Variants in PDZD4 observed in about 807,000 individuals in gnomAD.
PDZD4 encodes the protein PDZ domain-containing protein 4.
Under a neutral mutation model 38.5 loss-of-function variants are expected in PDZD4, and 9 were observed. That is an observed-to-expected ratio of 0.23 (90% CI 0.14 to 0.41). The LOEUF (loss-of-function observed/expected upper bound fraction) is 0.41. PDZD4 is among the 10% of genes least tolerant of loss of function. The probability of loss-of-function intolerance (pLI) is 1.00; values close to 1 mark genes in which losing one functional copy is unlikely to be tolerated. For synonymous variants in PDZD4, 349 were observed against 315.7 expected (o/e 1.11, Z -1.12); for missense variants, 612 against 722.0 (o/e 0.85, Z 1.75).
chrX:153,805,965 G>A (rs781859632), intron 5 of PDZD4, 106 bp downstream of exon 5: 2 of 886,367 alleles, frequency 2.3e-6, no homozygotes, highest in East Asian at 3.2e-5. Flanking sequence ...CTGGGCCTCA[G>A]GGTTAGCTCT....
intron 1 of PDZD4, among the ~76,000 whole-genome samples, chrX:153,820,982 G>A (rs2064417531): frequency 8.9e-6 from 1 of 112,532 alleles, no homozygotes; most frequent in Admixed American, 9.4e-5. Flanking sequence ...TACATCTAAT[G>A]GTTTTGGCAT....
intron 1 of PDZD4, among the ~76,000 whole-genome samples, chrX:153,823,635 A>G (rs1261649394): frequency 8.9e-6 from 1 of 112,467 alleles, no homozygotes; most frequent in African/African-American, 3.2e-5. Context: ...TACAGGCGTG[A>G]GCCACCGCAC....
intron 1 of PDZD4, among the ~76,000 whole-genome samples, chrX:153,825,814 G>A (rs2064475130): frequency 2.7e-5 from 3 of 112,410 alleles, no homozygotes; most frequent in Non-Finnish European, 3.8e-5. Context: ...CCTAGTGAAA[G>A]ACTGGAAGCT....
At chrX:153,819,044 A>G (rs1468716760) in intron 1 of PDZD4, among the ~76,000 whole-genome samples, 4 of 112,635 alleles carry the variant, frequency 3.6e-5, no homozygotes, top group African/African-American at 1.3e-4. Context: ...CTAGGCGGAG[A>G]GGGCGGAGCC....
intron 6 of PDZD4, 107 bp downstream of exon 6, chrX:153,805,398 C>CAAAAAA: frequency 1.8e-6 from 1 of 553,485 alleles, no homozygotes; most frequent in Non-Finnish European, 3.0e-6. Context: ...ACCCGCCCTC[C>CAAAAAA]ATCAACTCCA....
chrX:153,803,612 T>G lies in PDZD4; in HGVS notation c.2069A>C (p.His690Pro). The change falls in exon 8 of 8, where the codon CAC becomes CCC. Residue 690 changes from histidine (H) to proline (P), a missense_variant. By Grantham distance (77) the His-to-Pro change is moderately conservative. Coordinates refer to ENST00000393758, the MANE Select transcript of PDZD4 (RefSeq NM_001303512.2). Reference sequence around the variant, plus strand: ...CCGCTGCTCACGGGCCCGGATCAGGTGCTGCTTCCGCTCCTCCTTGCTCCA... The same window carrying G: ...CCGCTGCTCACGGGCCCGGATCAGGGGCTGCTTCCGCTCCTCCTTGCTCCA... Reference protein sequence around the residue: ...RYWSKEERKQHLIRAREQRKR... With the variant: ...RYWSKEERKQPLIRAREQRKR... 1 of 1,210,289 alleles carries G rather than the reference T, an allele frequency of 8.3e-7. No individual in the cohort carries two copies. The highest frequency in any genetic ancestry group is 1.1e-6 in the Non-Finnish European group (1 of 895,551).
intron 1 of PDZD4, among the ~76,000 whole-genome samples, chrX:153,821,473 A>AAAAC (rs1201845126): frequency 9.1e-6 from 1 of 109,733 alleles, no homozygotes; most frequent in Non-Finnish European, 1.9e-5. Context: ...AAAAAAAAAC[A>AAAAC]AAACAAACAA....
Position 153,830,341 on chromosome X carries a change from A to G in PDZD4, c.-43T>C, listed in dbSNP as rs1557083544. The G allele has an allele frequency of 2.6e-6, 3 of 1,145,842 alleles. No homozygotes were observed. In the Admixed American group the frequency reaches 6.7e-5, roughly 26 times the overall value. The allele number at this position is 1,145,842 out of a possible 1,213,427, so 94.4% of individuals were successfully genotyped here. Reference sequence around the variant, plus strand: ...GGAGGCGGAGGGCGGGAACGGGAAGACGCCTTTCACTGACCCGGGCGCGGG... The same window carrying G: ...GGAGGCGGAGGGCGGGAACGGGAAGGCGCCTTTCACTGACCCGGGCGCGGG... On this transcript the variant is annotated 5_prime_UTR_variant, in exon 1 of 8. Coordinates refer to ENST00000393758, the MANE Select transcript of PDZD4 (RefSeq NM_001303512.2).
In PDZD4 at chrX:153,810,403, A is replaced by C. The variant is rs1056890077; in HGVS notation, c.61-1808T>G. ...TCAGGCAAAGGGAACAGGGCCAAGAAAAGACCCAGGGAGGCTGGTTTGCAG... is the reference window on the plus strand; with the variant it reads ...TCAGGCAAAGGGAACAGGGCCAAGACAAGACCCAGGGAGGCTGGTTTGCAG... On this transcript the variant is annotated intron_variant, in intron 1 of 7. Transcript: ENST00000393758. 6.2e-5 allele frequency among the ~76,000 whole-genome samples: 7 copies of C among 112,432 alleles called. No homozygotes were observed. The Admixed American group carries it at 6.5e-4, about 11-fold the overall frequency.
intron 1 of PDZD4, among the ~76,000 whole-genome samples, chrX:153,826,382 G>A (rs1262826432): frequency 9.0e-6 from 1 of 110,854 alleles, no homozygotes. Context: ...ATTTTAGTAA[G>A]GTCGCAAGAT....
Position 153,803,071 on chromosome X carries a change from T to C in PDZD4, c.*282A>G, listed in dbSNP as rs1284003114. On this transcript the variant is annotated 3_prime_UTR_variant, in exon 8 of 8. Transcript: ENST00000393758. ...ACGCAAGAGCATGGGGGATGGGGAA[T>C]GCACACGCACAGCTGAAGGGGTGCC... 1 of 246,895 alleles carries C rather than the reference T, an allele frequency of 4.1e-6. No homozygotes were observed. The highest frequency in any genetic ancestry group is 2.8e-5 in the African/African-American group (1 of 35,386). 20.3% of individuals were successfully genotyped at this position (246,895 alleles called of 1,213,427 possible).
At chrX:153,827,007 T>C (rs782512498) in intron 1 of PDZD4, among the ~76,000 whole-genome samples, 13 of 111,932 alleles carry the variant, frequency 1.2e-4, no homozygotes, top group African/African-American at 3.2e-4. Context: ...TTGAGGGACT[T>C]AGAATAGACA....
At position 153,804,935 on chromosome X, in the gene PDZD4, C is replaced by A. The variant is rs142449174; in HGVS notation, c.781-35G>T. 8.8e-3 allele frequency: 10,299 copies of A among 1,172,657 alleles called. 539 individuals carry two copies. The African/African-American group carries it at 0.16, about 18-fold the overall frequency. ...AAAGGTAAGTACCGCTCAGTTAGGT[C>A]CCACGGACAGGGATGTCACGGGATG... On this transcript the variant is annotated intron_variant, in intron 7 of 7. Coordinates refer to ENST00000393758, the MANE Select transcript of PDZD4 (RefSeq NM_001303512.2).
At chrX:153,822,687 C>CT (rs1471469930) in intron 1 of PDZD4, among the ~76,000 whole-genome samples, 1 of 104,815 alleles carries the variant, frequency 9.5e-6, no homozygotes, top group East Asian at 3.1e-4. Flanking sequence ...GTCTTTCTTT[C>CT]TTTTTTTTCC....
rs782146221 is a variant in PDZD4, at chrX:153,808,366, A to T, written c.290T>A (p.Leu97Gln). Residue 97 changes from leucine (L) to glutamine (Q), a missense_variant, in exon 2 of 8, where the codon CTG (leucine) becomes CAG (glutamine). By Grantham distance (113) the Leu-to-Gln change is moderately radical (BLOSUM62 -2). This residue lies in a region of PDZD4 where 225 missense variants were observed against 311.0 expected (regional missense o/e 0.72). Transcript: ENST00000393758. ...CAGCTCAGAGAGGACGTACGGCTCC[A>T]GGATGACCATGGGCGGGGTGGGCGG... The part of the protein sequence containing the change: ...LRPPTPPMVI[L>Q]EPYVLSELPP... 3 of 1,209,140 alleles carry T rather than the reference A, an allele frequency of 2.5e-6. No individual in the cohort carries two copies. The highest frequency in any genetic ancestry group is 3.5e-5 in the African/African-American group (2 of 57,621).
intron 1 of PDZD4, among the ~76,000 whole-genome samples, chrX:153,823,951 C>T (rs1280188164): frequency 8.9e-6 from 1 of 112,316 alleles, no homozygotes; most frequent in East Asian, 2.8e-4. Context: ...CACCTTTCTC[C>T]CCAGGATGCG....
intron 1 of PDZD4, among the ~76,000 whole-genome samples, chrX:153,813,680 GA>G (rs1413876061): frequency 7.1e-5 from 8 of 111,983 alleles, no homozygotes; most frequent in African/African-American, 2.6e-4. Context: ...CTTCTTCAAG[GA>G]AAAACGCTCA....
chrX:153,810,214 C>A (rs1309677144), intron 1 of PDZD4, among the ~76,000 whole-genome samples: 1 of 112,507 alleles, frequency 8.9e-6, no homozygotes, highest in Non-Finnish European at 1.9e-5. Flanking sequence ...AAGGGCTGTT[C>A]TGGGCCTGGG....
intron 1 of PDZD4, among the ~76,000 whole-genome samples, chrX:153,822,050 C>T (rs111408406): frequency 0.01 from 1,124 of 109,765 alleles, 17 homozygotes; most frequent in African/African-American, 0.036. Flanking sequence ...ATTAGCCAGG[C>T]GTGGTGGCAG....
Sources: gnomAD v4.1 joint callset for allele counts (sites outside exome capture counted in the v4.1 genomes callset) on GRCh38, gnomAD v4.1.1 for gene constraint, gnomAD v4.1.1 regional missense constraint, MANE v1.5 for transcripts, NCBI Gene and HGNC (gene_info 2026-07-23, HGNC 2026-07-21) for gene names.